Variants in WWOX observed in about 807,000 individuals in gnomAD.
WWOX encodes WW domain containing oxidoreductase, also known as WW domain-containing oxidoreductase.
WWOX carries 69 observed loss-of-function variants against 46.2 expected under a neutral mutation model. The observed-to-expected ratio is 1.49, with a 90% CI of 1.23 to 1.82. The LOEUF (loss-of-function observed/expected upper bound fraction) is 1.82. Among genes scored for constraint, WWOX ranks in the 40% most tolerant of loss-of-function variants. The pLI is 0.00. For synonymous variants in WWOX, 359 were observed against 202.6 expected (o/e 1.77, Z -6.56); for missense variants, 919 against 542.6 (o/e 1.69, Z -6.89).
At chr16:78,487,209 T>A (rs2151456253) in intron 8 of WWOX, among the ~76,000 whole-genome samples, 1 of 152,320 alleles carries the variant, frequency 6.6e-6, no homozygotes, top group East Asian at 1.9e-4. Flanking sequence ...TTTCTCAGTT[T>A]TTTTTCCCTT....
intron 8 of WWOX, among the ~76,000 whole-genome samples, chr16:78,686,779 A>G (rs1460397976): frequency 1.3e-5 from 2 of 152,186 alleles, no homozygotes; most frequent in Non-Finnish European, 2.9e-5. Context: ...GTAGCTATCT[A>G]ACAGAGACAG....
intron 8 of WWOX, among the ~76,000 whole-genome samples, chr16:78,547,639 G>T (rs999402354): frequency 2.0e-5 from 3 of 152,192 alleles, no homozygotes; most frequent in African/African-American, 7.2e-5. Context: ...AGGCTGGGAA[G>T]TCCAAGATCA....
chr16:78,804,360 C>T lies in WWOX; in HGVS notation c.1056+371608C>T, dbSNP rs191628661. Among the ~76,000 whole-genome samples the T allele has an allele frequency of 8.7e-4, 131 of 151,234 alleles. 1 individual carries two copies. The highest frequency in any genetic ancestry group is 1.1e-3 in the Non-Finnish European group (78 of 67,926). On this transcript the variant is annotated intron_variant, in intron 8 of 8. Coordinates refer to ENST00000566780, the MANE Select transcript of WWOX (RefSeq NM_016373.4). ...TTAGACTCTGACTTTGACTTTTGCT[C>T]GGCAGCGAACAAAATTAACAGCTCT...
intron 8 of WWOX, chr16:79,105,895 A>G (rs1477864248): frequency 1.3e-5 from 2 of 152,100 alleles, no homozygotes; most frequent in Admixed American, 6.5e-5. Context: ...CTGGCCTTGA[A>G]CTCCTGGACT....
intron 8 of WWOX, among the ~76,000 whole-genome samples, chr16:78,805,324 G>T (rs1055215390): frequency 6.6e-6 from 1 of 152,162 alleles, no homozygotes; most frequent in Admixed American, 6.5e-5. Flanking sequence ...GCCATCTCAG[G>T]ATCTCGGCTC....
chr16:78,896,167 A>G (rs1427878582), intron 8 of WWOX: 1 of 152,174 alleles, frequency 6.6e-6, no homozygotes, highest in African/African-American at 2.4e-5. Context: ...AGAAGAAATA[A>G]AGTGTGCTGA....
intron 8 of WWOX, among the ~76,000 whole-genome samples, chr16:79,029,903 G>T (rs1484172961): frequency 6.6e-6 from 1 of 152,128 alleles, no homozygotes; most frequent in Non-Finnish European, 1.5e-5. Context: ...AAGCATAAAC[G>T]CATATGGTCA....
chr16:78,522,724 G>C (rs1353849827), intron 8 of WWOX, among the ~76,000 whole-genome samples: 1 of 152,246 alleles, frequency 6.6e-6, no homozygotes. Flanking sequence ...CAACAGAGGA[G>C]CTCTGATGAG....
intron 5 of WWOX, chr16:78,168,083 C>T (rs1024811925): frequency 2.6e-5 from 4 of 152,174 alleles, no homozygotes; most frequent in African/African-American, 7.2e-5. Context: ...CAAAATGATC[C>T]AAAGTTTTTT....
intron 8 of WWOX, among the ~76,000 whole-genome samples, chr16:78,572,955 T>C (rs530720468): frequency 2.0e-5 from 3 of 152,232 alleles, no homozygotes; most frequent in Non-Finnish European, 2.9e-5. Flanking sequence ...GTGGCACATA[T>C]CACATAATCT....
intron 5 of WWOX, among the ~76,000 whole-genome samples, chr16:78,250,654 G>C (rs1455553251): frequency 2.6e-5 from 4 of 152,122 alleles, no homozygotes; most frequent in Non-Finnish European, 4.4e-5. Context: ...TTTATTAGGA[G>C]GTTACATATA....
At chr16:78,983,786 A>G (rs926174206) in intron 8 of WWOX, among the ~76,000 whole-genome samples, 7 of 151,898 alleles carry the variant, frequency 4.6e-5, no homozygotes, top group African/African-American at 1.7e-4. Context: ...ACTTTGAGAC[A>G]TATCTCCTAC....
intron 8 of WWOX, among the ~76,000 whole-genome samples, chr16:78,996,828 C>G (rs568576234): frequency 6.6e-6 from 1 of 152,328 alleles, no homozygotes; most frequent in Non-Finnish European, 1.5e-5. Context: ...AGAGCCATCG[C>G]TTGCAGAACA....
At chr16:79,018,603 C>G (rs1223767315) in intron 8 of WWOX, among the ~76,000 whole-genome samples, 1 of 152,086 alleles carries the variant, frequency 6.6e-6, no homozygotes, top group Non-Finnish European at 1.5e-5. Flanking sequence ...GAATCGAGGT[C>G]ATGTCTATAA....
chr16:78,267,692 C>G (rs1449450876), intron 5 of WWOX, among the ~76,000 whole-genome samples: 2 of 152,196 alleles, frequency 1.3e-5, no homozygotes, highest in Non-Finnish European at 2.9e-5. Flanking sequence ...AGGTCCTCAT[C>G]CTGCTCCCTA....
intron 8 of WWOX, among the ~76,000 whole-genome samples, chr16:78,539,721 A>G (rs1302246548): frequency 6.6e-6 from 1 of 152,184 alleles, no homozygotes; most frequent in East Asian, 1.9e-4. Context: ...CCCTCTAAAG[A>G]GAGGCAGCTC....
chr16:78,991,701 C>T (rs1044115070), intron 8 of WWOX, among the ~76,000 whole-genome samples: 7 of 151,744 alleles, frequency 4.6e-5, no homozygotes, highest in East Asian at 1.9e-4. Flanking sequence ...TCCTATACAA[C>T]GCAAGCCATA....
intron 8 of WWOX, among the ~76,000 whole-genome samples, chr16:78,723,399 C>G (rs192401179): frequency 2.0e-5 from 3 of 151,994 alleles, no homozygotes; most frequent in Non-Finnish European, 4.4e-5. Context: ...GGAGTGACCA[C>G]AAGATGCCCT....
At chr16:78,797,176 C>G (rs1026775908) in intron 8 of WWOX, among the ~76,000 whole-genome samples, 1 of 151,940 alleles carries the variant, frequency 6.6e-6, no homozygotes, top group Non-Finnish European at 1.5e-5. Flanking sequence ...CCCTGTCTGC[C>G]TCATTGGATG....
Sources: gnomAD v4.1 joint callset for allele counts (sites outside exome capture counted in the v4.1 genomes callset) on GRCh38, gnomAD v4.1.1 for gene constraint, MANE v1.5 for transcripts, NCBI Gene and HGNC (gene_info 2026-07-23, HGNC 2026-07-21) for gene names.